The following USP40 variants were observed in gnomAD, a reference collection of about 807,000 sequenced individuals.
USP40 encodes ubiquitin specific peptidase 40.
A neutral mutation model predicts 166.2 loss-of-function variants in USP40; 143 were observed. The observed-to-expected ratio is 0.86, with a 90% CI of 0.75 to 0.99. The LOEUF (loss-of-function observed/expected upper bound fraction) is 0.99. USP40 is among the 50% of genes least tolerant of loss of function. USP40 has a pLI of 0.00. For synonymous variants in USP40, 498 were observed against 524.0 expected (o/e 0.95, Z 0.68); for missense variants, 1,444 against 1,479.7 (o/e 0.98, Z 0.40).
At chr2:233,536,530 A>C (rs2068946910) in intron 10 of USP40, among the ~76,000 whole-genome samples, 1 of 152,250 alleles carries the variant, frequency 6.6e-6, no homozygotes, top group Non-Finnish European at 1.5e-5. Flanking sequence ...ACATGCCAGT[A>C]ATCTCAGCTA....
chr2:233,524,615 A>G, intron 14 of USP40, 53 bp from the exon 15 acceptor site: 1 of 1,359,966 alleles, frequency 7.4e-7, no homozygotes, highest in Non-Finnish European at 9.9e-7. Context: ...GAAACAACTG[A>G]GCTAAAGAAA....
In USP40 at chr2:233,540,722, C is replaced by G. The variant is rs1553572640; in HGVS notation, c.1110G>C (p.Leu370Phe). ...TGTTCCAAGATATTCCTATCTTTTTCAAAAGTTTCTGGCCCAGCTGATCAA... is the reference window on the plus strand; with the variant it reads ...TGTTCCAAGATATTCCTATCTTTTTGAAAAGTTTCTGGCCCAGCTGATCAA... The part of the protein sequence containing the change: ...IPVDQLGQKL[L>F]KKIGISWNKK... The change falls in exon 10 of 32, where the codon TTG (leucine) becomes TTC (phenylalanine). Residue 370 changes from leucine to phenylalanine, a missense_variant. Physicochemically the swap from Leu to Phe is conservative, Grantham distance 22. Coordinates refer to ENST00000678225, the MANE Select transcript of USP40 (RefSeq NM_001365479.2). 6.2e-7 allele frequency: 1 copy of G among 1,613,290 alleles called. No individual in the cohort carries two copies. The highest frequency in any genetic ancestry group is 8.5e-7 in the Non-Finnish European group (1 of 1,179,536).
At chr2:233,566,020 T>C (rs1385982505) in intron 1 of USP40, among the ~76,000 whole-genome samples, 1 of 152,192 alleles carries the variant, frequency 6.6e-6, no homozygotes, top group African/African-American at 2.4e-5. Context: ...ATCAACTCTC[T>C]AAAATCTCTG....
At chr2:233,481,034 AAGGAG>A (rs1236632884) in intron 31 of USP40, among the ~76,000 whole-genome samples, 164 bp downstream of exon 31, 2 of 152,186 alleles carry the variant, frequency 1.3e-5, no homozygotes, top group Non-Finnish European at 2.9e-5. Flanking sequence ...GGAGGCACTC[AAGGAG>A]AGGAAAGAAC....
At chr2:233,561,099 C>T (rs1445011793) in intron 3 of USP40, 3 of 1,526,812 alleles carry the variant, frequency 2.0e-6, no homozygotes, top group African/African-American at 1.4e-5. Flanking sequence ...CACTTAATTC[C>T]TTCTTTAAAA....
intron 18 of USP40, among the ~76,000 whole-genome samples, chr2:233,518,503 G>A (rs1001058220): frequency 1.3e-5 from 2 of 149,436 alleles, no homozygotes; most frequent in Non-Finnish European, 3.0e-5. Context: ...GGAGACGGAG[G>A]TTGCAGTGAG....
At chr2:233,519,731 G>A in intron 17 of USP40, 60 bp from the exon 18 acceptor site, 1 of 959,760 alleles carries the variant, frequency 1.0e-6, no homozygotes, top group Non-Finnish European at 1.6e-6. Flanking sequence ...ATGAAAATGA[G>A]GATTGTCACT....
Position 233,481,267 on chromosome 2 carries a change from T to G in USP40, c.3535A>C (p.Ser1179Arg). ...TTTCCAGTGTCATCTCTGATTGTAC[T>G]GAAATCATCATCGTCGTCAATCAGG... is the stretch of plus-strand genomic sequence containing the variant. ...NLLIDDDDDF[S>R]TIRDDTGKEK... Residue 1179 changes from serine (S) to arginine (R), a missense_variant, in exon 31 of 32, where the codon AGT (serine) becomes CGT (arginine). By Grantham distance (110) the Ser-to-Arg change is moderately radical. Transcript: ENST00000678225. 6.2e-7 allele frequency: 1 copy of G among 1,607,036 alleles called. No homozygotes were observed. Among genetic ancestry groups the G allele is most frequent in the Non-Finnish European group, 8.5e-7 (1 of 1,176,492 alleles).
intron 21 of USP40, among the ~76,000 whole-genome samples, chr2:233,503,413 A>G (rs963993397): frequency 6.6e-6 from 1 of 152,212 alleles, no homozygotes; most frequent in East Asian, 1.9e-4. Context: ...GGACATCCAG[A>G]TCCAGAAAGC....
At chr2:233,482,687 G>A (rs1210534559) in intron 30 of USP40, among the ~76,000 whole-genome samples, 1 of 151,602 alleles carries the variant, frequency 6.6e-6, no homozygotes, top group Non-Finnish European at 1.5e-5. Context: ...ACCTCCTGGG[G>A]TCAAGTGATC....
chr2:233,546,201 C>T (rs1454195578), intron 8 of USP40: 1 of 152,124 alleles, frequency 6.6e-6, no homozygotes, highest in East Asian at 1.9e-4. Flanking sequence ...GGGAAGAGAT[C>T]CTGATGCTGC....
chr2:233,493,629 C>A lies in USP40; in HGVS notation c.2791-78G>T. The A allele has an allele frequency of 6.9e-7, 1 of 1,444,738 alleles. No individual in the cohort carries two copies. The highest frequency in any genetic ancestry group is 1.4e-5 in the South Asian group (1 of 69,690). The allele number at this position is 1,444,738 out of a possible 1,614,324, so 89.5% of individuals were successfully genotyped here. On this transcript the variant is annotated intron_variant, in intron 24 of 31. Coordinates refer to ENST00000678225, the MANE Select transcript of USP40 (RefSeq NM_001365479.2). This position sits in a 1 kb window ranked among gnomAD's most constrained non-coding sequence, Gnocchi z 4.7. ...CTACTTTTACTTCCATAGAAAGAAA[C>A]ACCTTGATGACCTAAGATGTTCTTG...
intron 22 of USP40, among the ~76,000 whole-genome samples, chr2:233,498,917 G>A (rs1385298703): frequency 6.6e-6 from 1 of 152,140 alleles, no homozygotes; most frequent in Admixed American, 6.5e-5. Context: ...GAAACAGAAT[G>A]CACTGAAATT....
intron 11 of USP40, among the ~76,000 whole-genome samples, chr2:233,532,053 T>C (rs566909721): frequency 5.8e-4 from 89 of 152,282 alleles, no homozygotes; most frequent in African/African-American, 1.8e-3. Context: ...ACATAGGAAA[T>C]TGGCTGACCC....
At chr2:233,542,139 G>T in intron 9 of USP40, 129 bp downstream of exon 9, 1 of 425,366 alleles carries the variant, frequency 2.4e-6, no homozygotes. Flanking sequence ...TGTCCTTAAG[G>T]AAAGACTATG....
intron 18 of USP40, 59 bp from the exon 19 acceptor site, chr2:233,512,681 T>A (rs1336281580): frequency 2.5e-6 from 2 of 791,398 alleles, no homozygotes; most frequent in Admixed American, 7.8e-5. Flanking sequence ...ACCTTCATCC[T>A]ATTATCAAAA....
intron 20 of USP40, among the ~76,000 whole-genome samples, chr2:233,510,696 G>A (rs577095826): frequency 4.4e-4 from 67 of 151,976 alleles, no homozygotes; most frequent in African/African-American, 1.4e-3. Flanking sequence ...GAGCCACCGC[G>A]CCCGGCCAAC....
chr2:233,504,103 C>T (rs1260158380), intron 21 of USP40, among the ~76,000 whole-genome samples: 1 of 151,914 alleles, frequency 6.6e-6, no homozygotes, highest in Non-Finnish European at 1.5e-5. Flanking sequence ...ATTATAAGTA[C>T]AAGACTCTCT....
chr2:233,486,207 C>T lies in USP40; in HGVS notation c.3198-230G>A, dbSNP rs138458644. On this transcript the variant is annotated intron_variant, in intron 28 of 31. Coordinates refer to ENST00000678225, the MANE Select transcript of USP40 (RefSeq NM_001365479.2). This position sits in a 1 kb window ranked among gnomAD's most constrained non-coding sequence, Gnocchi z 4.0. ...TCCCATTCTCGGTACACAGCAGAGC[C>T]CCCCCAGACGTGGTAGGGAACTTCC... 4.6e-5 allele frequency among the ~76,000 whole-genome samples: 7 copies of T among 152,042 alleles called. No homozygotes were observed. The highest frequency in any genetic ancestry group is 7.4e-5 in the Non-Finnish European group (5 of 68,022).
Sources: gnomAD v4.1 joint callset for allele counts (sites outside exome capture counted in the v4.1 genomes callset) on GRCh38, gnomAD v4.1.1 for gene constraint, Gnocchi (gnomAD v3.1) non-coding constraint, MANE v1.5 for transcripts, NCBI Gene and HGNC (gene_info 2026-07-23, HGNC 2026-07-21) for gene names.